The following TGFBR2 variants were observed in gnomAD, a reference collection of about 807,000 sequenced individuals.
The protein encoded by TGFBR2 is transforming growth factor beta receptor 2.
A neutral mutation model predicts 49.0 loss-of-function variants in TGFBR2; 18 were observed. The observed-to-expected ratio is 0.37, with a 90% CI of 0.25 to 0.54. TGFBR2 has a LOEUF of 0.54. TGFBR2 is among the 20% of genes least tolerant of loss of function. The probability of loss-of-function intolerance (pLI) is 0.85; values close to 1 mark genes in which losing one functional copy is unlikely to be tolerated. For missense variants in TGFBR2, 525 were observed against 722.6 expected (o/e 0.73, Z 3.13); for synonymous variants, 282 against 275.9 (o/e 1.02, Z -0.22).
chr3:30,623,859 A>T (rs997264060), intron 1 of TGFBR2, among the ~76,000 whole-genome samples: 1 of 152,178 alleles, frequency 6.6e-6, no homozygotes, highest in African/African-American at 2.4e-5. Flanking sequence ...TACAGAGAAG[A>T]GGTTGGGCGC....
Sources: allele counts gnomAD v4.1 joint callset (sites outside exome capture counted in the v4.1 genomes callset), GRCh38; gene constraint gnomAD v4.1.1; transcripts MANE v1.5; gene names NCBI Gene and HGNC (gene_info 2026-07-23, HGNC 2026-07-21).